PCNX1: variants seen among roughly 807,000 people sequenced by gnomAD.
The protein encoded by PCNX1 is pecanex 1.
In PCNX1, 78 loss-of-function variants were observed where a neutral mutation model predicts 242.2. That is an observed-to-expected ratio of 0.32 (90% CI 0.27 to 0.39). The LOEUF is 0.39. Ranked by LOEUF, PCNX1 falls within the 10% of genes least tolerant of loss-of-function variation. The probability of loss-of-function intolerance (pLI) is 1.00; values close to 1 mark genes in which losing one functional copy is unlikely to be tolerated. For synonymous variants in PCNX1, 1,024 were observed against 1,032.9 expected, an observed-to-expected ratio of 0.99 and a Z score of 0.17; for missense variants, 2,581 against 2,856.5, an observed-to-expected ratio of 0.90 and a Z score of 2.20.
chr14:70,964,549 T>C (rs1407505009), intron 3 of PCNX1, among the ~76,000 whole-genome samples: 1 of 152,212 alleles, frequency 6.6e-6, no homozygotes, highest in Non-Finnish European at 1.5e-5. Flanking sequence ...TTTCTTCTTA[T>C]TGACAGACGT....
chr14:70,975,838 G>A (rs891504767), intron 5 of PCNX1, among the ~76,000 whole-genome samples: 5 of 151,436 alleles, frequency 3.3e-5, no homozygotes, highest in Middle Eastern at 3.2e-3. Context: ...ACTAATCACT[G>A]GTCTGGATGG....
At chr14:70,996,206 A>G (rs1220718183) in intron 8 of PCNX1, among the ~76,000 whole-genome samples, 1 of 152,060 alleles carries the variant, frequency 6.6e-6, no homozygotes, top group Non-Finnish European at 1.5e-5. Flanking sequence ...TTTCCCAGGC[A>G]TTTGTACCAT....
intron 1 of PCNX1, among the ~76,000 whole-genome samples, chr14:70,918,146 T>C (rs1476909358): frequency 6.6e-6 from 1 of 152,234 alleles, no homozygotes; most frequent in Non-Finnish European, 1.5e-5. Context: ...ACTCAAACTT[T>C]CTCCATATCA....
intron 7 of PCNX1, among the ~76,000 whole-genome samples, chr14:70,995,054 T>C (rs953930340): frequency 1.9e-4 from 29 of 152,296 alleles, no homozygotes; most frequent in African/African-American, 7.0e-4. Flanking sequence ...GGAACGTAAC[T>C]AATACTTGTA....
At chr14:71,028,062 T>C (rs984825119) in intron 15 of PCNX1, among the ~76,000 whole-genome samples, 28 of 152,018 alleles carry the variant, frequency 1.8e-4, no homozygotes, top group African/African-American at 6.5e-4. Flanking sequence ...GTTTTAAAAA[T>C]AAAGTCTAGA....
intron 3 of PCNX1, among the ~76,000 whole-genome samples, chr14:70,963,805 A>G (rs2058294263): frequency 1.3e-5 from 2 of 152,180 alleles, no homozygotes; most frequent in South Asian, 4.1e-4. Context: ...AGTTCTGTAA[A>G]ACAAGTTAGT....
At chr14:70,973,381 A>G (rs2058598467) in intron 5 of PCNX1, among the ~76,000 whole-genome samples, 1 of 152,132 alleles carries the variant, frequency 6.6e-6, no homozygotes, top group Non-Finnish European at 1.5e-5. Context: ...ACTGTTATCC[A>G]CCTGTGTTCA....
intron 1 of PCNX1, among the ~76,000 whole-genome samples, chr14:70,946,423 C>A (rs1364187113): frequency 6.6e-6 from 1 of 152,124 alleles, no homozygotes. Context: ...TAATGTGATA[C>A]CTTTGTTCTC....
intron 1 of PCNX1, among the ~76,000 whole-genome samples, chr14:70,946,349 T>C (rs1940513120): frequency 6.6e-6 from 1 of 152,230 alleles, no homozygotes; most frequent in African/African-American, 2.4e-5. Flanking sequence ...TAAAAAACGG[T>C]TGCACAGAGC....
At chr14:70,950,996 C>A (rs183367126) in intron 2 of PCNX1, among the ~76,000 whole-genome samples, 14 of 152,014 alleles carry the variant, frequency 9.2e-5, no homozygotes, top group Admixed American at 8.5e-4. Flanking sequence ...GATTTTCCTT[C>A]CCTCAAATTA....
At chr14:70,935,209 T>A (rs1288160081) in intron 1 of PCNX1, among the ~76,000 whole-genome samples, 2 of 152,198 alleles carry the variant, frequency 1.3e-5, no homozygotes, top group Non-Finnish European at 2.9e-5. Context: ...GTCACCTAAA[T>A]TTTTATTTTG....
Position 70,977,729 on chromosome 14 carries a change from T to C in PCNX1, c.1392T>C (p.Val464=), listed in dbSNP as rs1279936556. ...IAMEASTNSG[V]HEAKDPTPSD... ...TGGAAGCGAGTACCAACAGTGGGGT[T>C]CACGAGGCCAAGGACCCCACCCCCT... The change falls in exon 6 of 36, where the codon GTT becomes GTC. Residue 464 remains valine, a synonymous_variant. Coordinates refer to ENST00000304743, the MANE Select transcript of PCNX1 (RefSeq NM_014982.3). The C allele has an allele frequency of 1.2e-6, 2 of 1,613,912 alleles. No homozygotes were observed. Among genetic ancestry groups the C allele is most frequent in the African/African-American group, 2.7e-5 (2 of 74,870 alleles).
chr14:71,027,684 C>G (rs1337835685), intron 15 of PCNX1, among the ~76,000 whole-genome samples: 2 of 151,798 alleles, frequency 1.3e-5, no homozygotes, highest in African/African-American at 4.8e-5. Flanking sequence ...GATAAAATGT[C>G]AATATTATGG....
intron 12 of PCNX1, 36 bp from the exon 13 acceptor site, chr14:71,023,164 T>G (rs750332607): frequency 6.4e-7 from 1 of 1,563,306 alleles, no homozygotes; most frequent in Non-Finnish European, 8.8e-7. Flanking sequence ...TAGCAAGACT[T>G]CAGGAGTGTA....
chr14:71,068,732 ATAACATTT>A (rs1384916334), intron 26 of PCNX1, among the ~76,000 whole-genome samples: 38 of 136,872 alleles, frequency 2.8e-4, no homozygotes, highest in African/African-American at 9.4e-4. Context: ...TAATATACAA[ATAACATTT>A]ATATATTTTA....
intron 33 of PCNX1, 130 bp from the exon 34 acceptor site, chr14:71,108,474 A>C: frequency 3.3e-6 from 2 of 608,256 alleles, no homozygotes; most frequent in Non-Finnish European, 2.8e-6. Context: ...TAAAAGTTTT[A>C]GGCATAAACG....
At chr14:71,076,790 A>C (rs12880918) in intron 28 of PCNX1, among the ~76,000 whole-genome samples, 2,165 of 152,288 alleles carry the variant, frequency 0.014, 24 homozygotes, top group Middle Eastern at 0.034. Flanking sequence ...CTTTGTCCCA[A>C]ATAGAAAGTC....
At chr14:71,089,406 A>T in intron 30 of PCNX1, 64 bp downstream of exon 30, 1 of 1,225,832 alleles carries the variant, frequency 8.2e-7, no homozygotes, top group Non-Finnish European at 1.2e-6. Flanking sequence ...ACATGATTTC[A>T]ATATTAGTCC....
intron 19 of PCNX1, among the ~76,000 whole-genome samples, chr14:71,040,916 C>T (rs974872546): frequency 2.0e-5 from 3 of 152,094 alleles, no homozygotes; most frequent in African/African-American, 7.2e-5. Context: ...TTAGCTCCCA[C>T]AAATAAGTGA....
Sources: gnomAD v4.1 joint callset for allele counts (sites outside exome capture counted in the v4.1 genomes callset) on GRCh38, gnomAD v4.1.1 for gene constraint, MANE v1.5 for transcripts, NCBI Gene and HGNC (gene_info 2026-07-23, HGNC 2026-07-21) for gene names.